The following PTPRD variants were observed in gnomAD, a reference collection of about 807,000 sequenced individuals.
The protein encoded by PTPRD is receptor-type tyrosine-protein phosphatase delta.
In PTPRD, 34 loss-of-function variants were observed where a neutral mutation model predicts 214.5. The ratio of observed to expected loss-of-function variants is 0.16; its 90% CI spans 0.12 to 0.21. The LOEUF (loss-of-function observed/expected upper bound fraction) is 0.21, where lower values mean the gene tolerates loss of function less well. PTPRD is among the 10% of genes least tolerant of loss of function. The pLI, the probability that PTPRD is intolerant of heterozygous loss-of-function variation, is 1.00. For missense variants in PTPRD, 2,545 were observed against 2,398.7 expected (o/e 1.06, Z -1.27); for synonymous variants, 1,128 against 845.7 (o/e 1.33, Z -5.79).
At chr9:8,831,917 T>TG (rs386414405) in intron 11 of PTPRD, among the ~76,000 whole-genome samples, 67 of 152,072 alleles carry the variant, frequency 4.4e-4, no homozygotes, top group Middle Eastern at 6.8e-3. Flanking sequence ...GTGCTTTTTT[T>TG]GACAGTTGGA....
Position 9,503,010 on chromosome 9 carries a change from T to A in PTPRD, c.-237+71722A>T, listed in dbSNP as rs375638877. On this transcript the variant is annotated intron_variant, in intron 8 of 45. Coordinates refer to ENST00000381196, the MANE Select transcript of PTPRD (RefSeq NM_002839.4). ...TGATTGGTGGGCAGACTACACAGGT[T>A]AATATGTTTGTTAAAATTCATCAAA... 2.0e-3 allele frequency among the ~76,000 whole-genome samples: 297 copies of A among 151,942 alleles called. 16 individuals are homozygous for A. In the South Asian group the frequency reaches 0.06, roughly 31 times the overall value.
rs192029036 is a variant in PTPRD at position 8,473,141 on chromosome 9, A to G, written c.3414-2056T>C. ...GAGCTTGTCAAACTTCTTTTCCCCT[A>G]ATGGAGAATTCAACTCAAACCAGAC... is the stretch of plus-strand genomic sequence containing the variant. On this transcript the variant is annotated intron_variant, in intron 30 of 45. Transcript: ENST00000381196. Among the ~76,000 whole-genome samples, 714 of 152,228 alleles carry G rather than the reference A, an allele frequency of 4.7e-3. 6 individuals are homozygous for G. The highest frequency in any genetic ancestry group is 0.034 in the South Asian group (165 of 4,820).
chr9:9,407,883 G>GA (rs2074065051), intron 8 of PTPRD, among the ~76,000 whole-genome samples: 7 of 151,668 alleles, frequency 4.6e-5, no homozygotes, highest in African/African-American at 1.7e-4. Flanking sequence ...TAATTATCTT[G>GA]TAAAATTTTG....
At chr9:9,883,041 T>C (rs113802424) in intron 5 of PTPRD, among the ~76,000 whole-genome samples, 1,961 of 152,282 alleles carry the variant, frequency 0.013, 35 homozygotes, top group African/African-American at 0.044. Context: ...GCCAAGAAGA[T>C]GTTGTCATGA....
chr9:9,091,541 T>G (rs1428230021), intron 10 of PTPRD, among the ~76,000 whole-genome samples: 1 of 152,200 alleles, frequency 6.6e-6, no homozygotes, highest in Non-Finnish European at 1.5e-5. Context: ...CCATTTCCAG[T>G]ATCAACTCTT....
chr9:10,264,133 A>G (rs2093889436), intron 3 of PTPRD, among the ~76,000 whole-genome samples: 1 of 152,176 alleles, frequency 6.6e-6, no homozygotes. Flanking sequence ...TTGCTTCAGG[A>G]GTGGAGTCCT....
At chr9:10,182,863 G>T (rs1431050400) in intron 3 of PTPRD, among the ~76,000 whole-genome samples, 1 of 152,020 alleles carries the variant, frequency 6.6e-6, no homozygotes, top group Non-Finnish European at 1.5e-5. Context: ...CATTCCTACA[G>T]GCTCTTATGC....
intron 3 of PTPRD, among the ~76,000 whole-genome samples, chr9:10,171,092 T>C (rs1376533237): frequency 3.3e-5 from 5 of 152,276 alleles, no homozygotes; most frequent in Admixed American, 2.0e-4. Context: ...ACAGCAACAA[T>C]GTACATTTAT....
At chr9:10,593,631 T>C (rs1391815045) in intron 2 of PTPRD, among the ~76,000 whole-genome samples, 2 of 152,068 alleles carry the variant, frequency 1.3e-5, no homozygotes, top group East Asian at 1.9e-4. Flanking sequence ...TGAATAGTCC[T>C]GTTTTAATAT....
intron 3 of PTPRD, among the ~76,000 whole-genome samples, chr9:10,044,591 C>T (rs781514843): frequency 4.6e-5 from 7 of 151,676 alleles, no homozygotes; most frequent in Non-Finnish European, 7.4e-5. Flanking sequence ...TCTCAGTGTT[C>T]TCAAACATTA....
At chr9:8,916,682 A>G (rs566927770) in intron 11 of PTPRD, among the ~76,000 whole-genome samples, 1 of 152,350 alleles carries the variant, frequency 6.6e-6, no homozygotes, top group East Asian at 1.9e-4. Flanking sequence ...GTAGCAAGGT[A>G]GCTCACATAG....
chr9:8,604,350 A>G (rs1193820217), intron 14 of PTPRD, among the ~76,000 whole-genome samples: 2 of 152,220 alleles, frequency 1.3e-5, no homozygotes, highest in Non-Finnish European at 2.9e-5. Flanking sequence ...TAGATTTCCC[A>G]GTAAACATTA....
intron 37 of PTPRD, among the ~76,000 whole-genome samples, chr9:8,380,102 T>C (rs1435559349): frequency 6.6e-6 from 1 of 152,158 alleles, no homozygotes; most frequent in African/African-American, 2.4e-5. Flanking sequence ...GGGGTTGTTG[T>C]TATAAATTAC....
chr9:10,234,088 A>G (rs1445509944), intron 3 of PTPRD, among the ~76,000 whole-genome samples: 3 of 151,794 alleles, frequency 2.0e-5, no homozygotes, highest in Non-Finnish European at 4.4e-5. Context: ...CCCTGTGTCT[A>G]CTAATAATAC....
intron 4 of PTPRD, among the ~76,000 whole-genome samples, chr9:9,982,112 C>A (rs1350869131): frequency 6.6e-6 from 1 of 152,170 alleles, no homozygotes; most frequent in African/African-American, 2.4e-5. Flanking sequence ...TTGAGCCGAA[C>A]ATATGGTGAA....
At chr9:9,305,268 T>C (rs927070232) in intron 9 of PTPRD, among the ~76,000 whole-genome samples, 1 of 152,034 alleles carries the variant, frequency 6.6e-6, no homozygotes, top group Non-Finnish European at 1.5e-5. Context: ...ACTTTTTTTG[T>C]TCTTTAACAG....
At chr9:9,332,742 G>C (rs927898601) in intron 9 of PTPRD, among the ~76,000 whole-genome samples, 1 of 151,548 alleles carries the variant, frequency 6.6e-6, no homozygotes, top group Non-Finnish European at 1.5e-5. Context: ...AAATACATTT[G>C]TACAGAGGAG....
intron 2 of PTPRD, among the ~76,000 whole-genome samples, chr9:10,357,584 A>G (rs958435397): frequency 1.3e-5 from 2 of 152,320 alleles, no homozygotes; most frequent in African/African-American, 2.4e-5. Flanking sequence ...TGCTGAAAAC[A>G]TACTGGTTTA....
chr9:10,238,924 C>T (rs368361567), intron 3 of PTPRD, among the ~76,000 whole-genome samples: 6 of 151,876 alleles, frequency 4.0e-5, no homozygotes, highest in East Asian at 2.0e-4. Context: ...TTTGTCAGAT[C>T]GATTTATGAC....
Sources: allele counts gnomAD v4.1 joint callset (sites outside exome capture counted in the v4.1 genomes callset), GRCh38; gene constraint gnomAD v4.1.1; transcripts MANE v1.5; gene names NCBI Gene and HGNC (gene_info 2026-07-23, HGNC 2026-07-21).